The following XRCC4 variants were observed in gnomAD, a reference collection of about 807,000 sequenced individuals.
The protein encoded by XRCC4 is DNA repair protein XRCC4.
In XRCC4, 28 loss-of-function variants were observed where a neutral mutation model predicts 39.1. That is an observed-to-expected ratio of 0.72 (90% CI 0.53 to 0.98). The LOEUF is 0.98. Among genes scored for constraint, XRCC4 ranks in the 50% least tolerant of loss-of-function variants. The probability of loss-of-function intolerance (pLI) is 0.00; values close to 1 mark genes in which losing one functional copy is unlikely to be tolerated. For missense variants in XRCC4, 350 were observed against 376.4 expected, an observed-to-expected ratio of 0.93 and a Z score of 0.58; for synonymous variants, 123 against 126.4, an observed-to-expected ratio of 0.97 and a Z score of 0.18.
At chr5:83,249,068 G>A (rs980750195) in intron 6 of XRCC4, among the ~76,000 whole-genome samples, 5 of 152,016 alleles carry the variant, frequency 3.3e-5, no homozygotes, top group East Asian at 3.9e-4. Context: ...GCATAATAAG[G>A]TAAGTTACAG....
chr5:83,215,772 T>G (rs1267090910), intron 6 of XRCC4, among the ~76,000 whole-genome samples: 1 of 152,156 alleles, frequency 6.6e-6, no homozygotes, highest in Admixed American at 6.5e-5. Flanking sequence ...GGGTATCGAC[T>G]TGAAAAACAG....
At chr5:83,325,952 G>T (rs1274875107) in intron 7 of XRCC4, among the ~76,000 whole-genome samples, 1 of 151,868 alleles carries the variant, frequency 6.6e-6, no homozygotes, top group Non-Finnish European at 1.5e-5. Flanking sequence ...CTTTTTCTTT[G>T]CATCCTCACC....
At chr5:83,224,767 G>C (rs548553936) in intron 6 of XRCC4, among the ~76,000 whole-genome samples, 2 of 151,850 alleles carry the variant, frequency 1.3e-5, no homozygotes, top group African/African-American at 4.8e-5. Flanking sequence ...ATTCCTCTGC[G>C]GAATTATTCA....
At chr5:83,260,646 T>G (rs1302660991) in intron 7 of XRCC4, among the ~76,000 whole-genome samples, 1 of 152,112 alleles carries the variant, frequency 6.6e-6, no homozygotes, top group African/African-American at 2.4e-5. Context: ...GAAAGAAGTT[T>G]AGCTCTGAAT....
chr5:83,367,744 A>G, the XRCC4 span, among the ~76,000 whole-genome samples: 1 of 151,172 alleles, frequency 6.6e-6, no homozygotes, highest in Non-Finnish European at 1.5e-5. Context: ...GCCCACCACC[A>G]TACCCAGCTA....
At chr5:83,189,784 G>A (rs1750611910) in intron 3 of XRCC4, among the ~76,000 whole-genome samples, 1 of 152,096 alleles carries the variant, frequency 6.6e-6, no homozygotes, top group Admixed American at 6.6e-5. Flanking sequence ...AACATTTCAG[G>A]CCAGACTCAG....
intron 7 of XRCC4, 126 bp downstream of exon 7, chr5:83,258,803 ATTGTAAAATGTTTGAATCAATGTATTGT>A (rs1168691816): frequency 1.8e-6 from 2 of 1,129,898 alleles, no homozygotes; most frequent in Non-Finnish European, 2.5e-6. Context: ...TCATTTTGGA[ATTGTAAAATGTTTGAATCAATGTATTGT>A]TTCAGTATTT....
intron 7 of XRCC4, among the ~76,000 whole-genome samples, chr5:83,307,359 T>G (rs935032691): frequency 2.6e-5 from 4 of 152,174 alleles, no homozygotes; most frequent in African/African-American, 9.7e-5. Context: ...CCACACTATA[T>G]TCAACACTCA....
At chr5:83,330,325 AT>A (rs1176920864) in intron 7 of XRCC4, among the ~76,000 whole-genome samples, 1 of 152,024 alleles carries the variant, frequency 6.6e-6, no homozygotes, top group Admixed American at 6.6e-5. Flanking sequence ...TAGCAGCATT[AT>A]TTTTGCAAAA....
chr5:83,369,758 G>T, the XRCC4 span, among the ~76,000 whole-genome samples: 1 of 152,144 alleles, frequency 6.6e-6, no homozygotes, highest in South Asian at 2.1e-4. Context: ...TTTCCTTTGG[G>T]TATATACCCA....
At chr5:83,330,792 T>C (rs1183701684) in intron 7 of XRCC4, among the ~76,000 whole-genome samples, 1 of 152,072 alleles carries the variant, frequency 6.6e-6, no homozygotes, top group Non-Finnish European at 1.5e-5. Flanking sequence ...CAATTTAAGA[T>C]AGCAGTTTTG....
At chr5:83,109,815 A>G (rs574758631) in intron 2 of XRCC4, among the ~76,000 whole-genome samples, 1 of 152,120 alleles carries the variant, frequency 6.6e-6, no homozygotes, top group South Asian at 2.1e-4. Flanking sequence ...CTCTTAGGGA[A>G]TTGGAGTTGA....
intron 7 of XRCC4, among the ~76,000 whole-genome samples, chr5:83,278,806 C>T (rs1007093084): frequency 7.9e-5 from 12 of 151,248 alleles, no homozygotes; most frequent in Non-Finnish European, 1.6e-4. Flanking sequence ...GGCAACATGG[C>T]GAAACCCTGT....
chr5:83,274,250 T>C (rs550902852), intron 7 of XRCC4, among the ~76,000 whole-genome samples: 23 of 152,282 alleles, frequency 1.5e-4, no homozygotes, highest in Admixed American at 1.0e-3. Flanking sequence ...TGTGGAAAAA[T>C]TACACTACAA....
intron 3 of XRCC4, among the ~76,000 whole-genome samples, chr5:83,168,910 T>C (rs919126796): frequency 1.3e-5 from 2 of 152,126 alleles, no homozygotes; most frequent in Non-Finnish European, 2.9e-5. Flanking sequence ...TCATGACATA[T>C]GATCTAAGAA....
chr5:83,301,722 T>G (rs1755291695), intron 7 of XRCC4, among the ~76,000 whole-genome samples: 1 of 152,216 alleles, frequency 6.6e-6, no homozygotes, highest in Non-Finnish European at 1.5e-5. Context: ...TACATTTAAG[T>G]CTTTAATCCA....
chr5:83,265,293 A>G (rs761665325), intron 7 of XRCC4, among the ~76,000 whole-genome samples: 12 of 152,180 alleles, frequency 7.9e-5, no homozygotes, highest in South Asian at 4.1e-4. Flanking sequence ...CAATTGCTAT[A>G]TATTTACTCT....
rs940733696 is a variant in XRCC4, at chr5:83,113,873, G to A, written c.315+2670G>A. On this transcript the variant is annotated intron_variant, in intron 3 of 7. Coordinates refer to ENST00000396027, the MANE Select transcript of XRCC4 (RefSeq NM_003401.5). Reference sequence around the variant, plus strand: ...AATCTCCTGACCTCGTGATCCGCCCGCCTCAGCCCCCCAAAGTGCTGGGAT... The same window carrying A: ...AATCTCCTGACCTCGTGATCCGCCCACCTCAGCCCCCCAAAGTGCTGGGAT... Among the ~76,000 whole-genome samples, 13 of 152,238 alleles carry A rather than the reference G, an allele frequency of 8.5e-5. No individual in the cohort carries two copies. In the East Asian group the frequency reaches 2.1e-3, roughly 25 times the overall value.
chr5:83,342,732 G>T (rs1428713102), intron 7 of XRCC4, among the ~76,000 whole-genome samples: 3 of 152,086 alleles, frequency 2.0e-5, no homozygotes, highest in African/African-American at 7.2e-5. Context: ...TTAGGAGATG[G>T]TTTTGGTTTT....
Sources: gnomAD v4.1 joint callset for allele counts (sites outside exome capture counted in the v4.1 genomes callset) on GRCh38, gnomAD v4.1.1 for gene constraint, MANE v1.5 for transcripts, NCBI Gene and HGNC (gene_info 2026-07-23, HGNC 2026-07-21) for gene names.